PTPRG: variants seen among roughly 807,000 people sequenced by gnomAD.
The protein encoded by PTPRG is protein tyrosine phosphatase receptor type G.
PTPRG carries 102 observed loss-of-function variants against 165.3 expected under a neutral mutation model. The observed-to-expected ratio is 0.62, with a 90% CI of 0.53 to 0.73. The LOEUF is 0.73. Ranked by LOEUF, PTPRG falls within the 30% of genes least tolerant of loss-of-function variation. The pLI, the probability that PTPRG is intolerant of heterozygous loss-of-function variation, is 0.00. For missense variants in PTPRG, 1,866 were observed against 1,861.4 expected, an observed-to-expected ratio of 1.00 and a Z score of -0.05; for synonymous variants, 675 against 669.5, an observed-to-expected ratio of 1.01 and a Z score of -0.13.
intron 4 of PTPRG, among the ~76,000 whole-genome samples, chr3:62,033,354 C>T (rs1699831807): frequency 7.0e-6 from 1 of 143,806 alleles, no homozygotes; most frequent in Non-Finnish European, 1.5e-5. Flanking sequence ...TCAACTGCTC[C>T]CTATACATTT....
At chr3:61,681,785 G>A (rs1182035156) in intron 1 of PTPRG, among the ~76,000 whole-genome samples, 1 of 152,028 alleles carries the variant, frequency 6.6e-6, no homozygotes, top group Non-Finnish European at 1.5e-5. Flanking sequence ...CCTGAATTTT[G>A]GATTAGTAAT....
At chr3:61,697,840 G>C (rs2030697486) in intron 1 of PTPRG, among the ~76,000 whole-genome samples, 1 of 152,012 alleles carries the variant, frequency 6.6e-6, no homozygotes, top group Non-Finnish European at 1.5e-5. Flanking sequence ...CATGACTCCT[G>C]TACTTATGCC....
At chr3:61,630,081 A>G (rs192159040) in intron 1 of PTPRG, among the ~76,000 whole-genome samples, 17 of 152,354 alleles carry the variant, frequency 1.1e-4, no homozygotes, top group South Asian at 8.3e-4. Flanking sequence ...AGACATGCAT[A>G]TAAGTGGTGG....
chr3:61,753,428 T>G (rs960786807), intron 2 of PTPRG, among the ~76,000 whole-genome samples: 9 of 152,306 alleles, frequency 5.9e-5, no homozygotes, highest in African/African-American at 2.2e-4. Flanking sequence ...ATTTCTGTCT[T>G]TCTTGAGGTG....
At chr3:62,068,812 G>T (rs1324254334) in intron 4 of PTPRG, among the ~76,000 whole-genome samples, 1 of 152,108 alleles carries the variant, frequency 6.6e-6, no homozygotes, top group Non-Finnish European at 1.5e-5. Context: ...CCCAAAACTT[G>T]GGATTCCTGC....
intron 1 of PTPRG, among the ~76,000 whole-genome samples, chr3:61,679,869 A>G (rs1446754332): frequency 1.3e-5 from 2 of 152,186 alleles, no homozygotes; most frequent in Non-Finnish European, 2.9e-5. Context: ...TTTAAATGGA[A>G]TGCAGTGGGA....
At chr3:62,223,525 A>G (rs1449281075) in intron 13 of PTPRG, among the ~76,000 whole-genome samples, 1 of 152,212 alleles carries the variant, frequency 6.6e-6, no homozygotes, top group Non-Finnish European at 1.5e-5. Context: ...CCCTCAGAGG[A>G]GGTGCCAATG....
rs1019248431 is a variant in PTPRG at position 61,922,718 on chromosome 3, G to A, written c.191-66907G>A. On this transcript the variant is annotated intron_variant, in intron 2 of 29. Transcript: ENST00000474889. ...TACATTGGTGTGATCATGGCTCACT[G>A]CAGCCTCGGCTTCCTGGGCTCAGGT... 2.6e-5 allele frequency among the ~76,000 whole-genome samples: 4 copies of A among 152,332 alleles called. 1 individual carries two copies. Among genetic ancestry groups the A allele is most frequent in the Middle Eastern group, 6.8e-3 (2 of 294 alleles).
At chr3:62,193,877 C>G (rs1332421009) in intron 9 of PTPRG, among the ~76,000 whole-genome samples, 1 of 152,246 alleles carries the variant, frequency 6.6e-6, no homozygotes, top group Non-Finnish European at 1.5e-5. Context: ...GATAAGACAA[C>G]TCATCTATTA....
chr3:62,148,703 A>G lies in PTPRG; in HGVS notation c.683-8364A>G, dbSNP rs533814168. Among the ~76,000 whole-genome samples the G allele has an allele frequency of 1.1e-3, 173 of 152,294 alleles. 1 individual carries two copies. Among genetic ancestry groups the G allele is most frequent in the Non-Finnish European group, 2.1e-3 (140 of 68,022 alleles). ...CTTGAACTCAGAAGGTGGAGGTGGCAGTGAGCTGAGGTCACGCCACTGCAC... is the reference window on the plus strand; with the variant it reads ...CTTGAACTCAGAAGGTGGAGGTGGCGGTGAGCTGAGGTCACGCCACTGCAC... On this transcript the variant is annotated intron_variant, in intron 6 of 29. Coordinates refer to ENST00000474889, the MANE Select transcript of PTPRG (RefSeq NM_002841.4).
chr3:61,829,082 G>A (rs2036194799), intron 2 of PTPRG, among the ~76,000 whole-genome samples: 1 of 152,198 alleles, frequency 6.6e-6, no homozygotes, highest in Admixed American at 6.5e-5. Flanking sequence ...GCCCGAGTAC[G>A]TGCCTATGAG....
intron 4 of PTPRG, among the ~76,000 whole-genome samples, chr3:62,070,544 AC>A (rs1320134225): frequency 2.6e-5 from 4 of 152,364 alleles, no homozygotes; most frequent in Admixed American, 1.3e-4. Flanking sequence ...GCACAGACTT[AC>A]GTCCTGCGTG....
At chr3:61,995,467 C>T (rs1364727366) in intron 3 of PTPRG, among the ~76,000 whole-genome samples, 6 of 152,202 alleles carry the variant, frequency 3.9e-5, no homozygotes, top group African/African-American at 1.4e-4. Flanking sequence ...GCCTAGCCCT[C>T]ATGCAAGATG....
chr3:61,819,802 G>A (rs949145017), intron 2 of PTPRG, among the ~76,000 whole-genome samples: 1 of 152,154 alleles, frequency 6.6e-6, no homozygotes, highest in Non-Finnish European at 1.5e-5. Flanking sequence ...GGAGATAAAA[G>A]GGGAACCTAT....
chr3:61,832,325 T>A (rs1273345407), intron 2 of PTPRG, among the ~76,000 whole-genome samples: 1 of 152,144 alleles, frequency 6.6e-6, no homozygotes. Flanking sequence ...TTTAAAAACA[T>A]TATTATATGC....
At chr3:61,932,009 A>G (rs147616224) in intron 2 of PTPRG, among the ~76,000 whole-genome samples, 144 of 152,232 alleles carry the variant, frequency 9.5e-4, no homozygotes, top group African/African-American at 3.4e-3. Context: ...CATCATTTGT[A>G]TTTTCATTTT....
rs749924893 is a variant in PTPRG at position 61,748,838 on chromosome 3, G to T, written c.86-40G>T. The T allele has an allele frequency of 5.2e-6, 8 of 1,533,002 alleles. No individual in the cohort carries two copies. The East Asian group carries it at 6.7e-5, about 13-fold the overall frequency. 95.0% of individuals were successfully genotyped at this position (1,533,002 alleles called of 1,614,324 possible). A position where few individuals can be genotyped will look rare whatever the true frequency, so the allele number is the denominator to read the frequency against. ...TGACACCCTTCCTGTATCCAGTGGG[G>T]TGCTGCCTTTGTCTCATTGTGGGTT... is the stretch of plus-strand genomic sequence containing the variant. On this transcript the variant is annotated intron_variant, in intron 1 of 29. Transcript: ENST00000474889.
intron 2 of PTPRG, among the ~76,000 whole-genome samples, chr3:61,896,073 G>A (rs2038347833): frequency 6.6e-6 from 1 of 152,042 alleles, no homozygotes; most frequent in Admixed American, 6.6e-5. Context: ...CATTATGTAG[G>A]TGTGTGCATG....
At chr3:62,283,353 C>T (rs2148891606) in intron 28 of PTPRG, among the ~76,000 whole-genome samples, 1 of 152,040 alleles carries the variant, frequency 6.6e-6, no homozygotes, top group Non-Finnish European at 1.5e-5. Flanking sequence ...GTCTTCAGTA[C>T]TGTCTTTTGG....
Sources: allele counts gnomAD v4.1 joint callset (sites outside exome capture counted in the v4.1 genomes callset), GRCh38; gene constraint gnomAD v4.1.1; transcripts MANE v1.5; gene names NCBI Gene and HGNC (gene_info 2026-07-23, HGNC 2026-07-21).